The following RAB38 variants were observed in gnomAD, a reference collection of about 807,000 sequenced individuals.
The protein encoded by RAB38 is ras-related protein Rab-38.
Under a neutral mutation model 18.4 loss-of-function variants are expected in RAB38, and 15 were observed. That is an observed-to-expected ratio of 0.82 (90% CI 0.55 to 1.26). The LOEUF (loss-of-function observed/expected upper bound fraction) is 1.26, where lower values mean the gene tolerates loss of function less well. Ranked by LOEUF, RAB38 falls within the 50% of genes most tolerant of loss-of-function variation. The pLI is 0.00. For missense variants in RAB38, 294 were observed against 267.4 expected, an observed-to-expected ratio of 1.10 and a Z score of -0.69; for synonymous variants, 101 against 104.4, an observed-to-expected ratio of 0.97 and a Z score of 0.20.
the RAB38 span, among the ~76,000 whole-genome samples, chr11:87,966,323 T>TATAATA: frequency 5.9e-5 from 9 of 152,170 alleles, no homozygotes; most frequent in African/African-American, 2.2e-4. Context: ...TATATTTACA[T>TATAATA]GTAGAGGAGT....
At chr11:87,947,241 T>G in the RAB38 span, among the ~76,000 whole-genome samples, 1 of 150,006 alleles carries the variant, frequency 6.7e-6, no homozygotes, top group South Asian at 2.2e-4. Flanking sequence ...TGGGGTTGTT[T>G]TTTTTCTTGT....
chr11:88,169,491 A>G (rs944489023), intron 1 of RAB38, among the ~76,000 whole-genome samples: 1 of 152,216 alleles, frequency 6.6e-6, no homozygotes, highest in African/African-American at 2.4e-5. Context: ...GGAGATGTTC[A>G]GCAGGAAGAT....
At chr11:88,131,162 T>C (rs1942763047) in intron 2 of RAB38, among the ~76,000 whole-genome samples, 1 of 152,200 alleles carries the variant, frequency 6.6e-6, no homozygotes, top group South Asian at 2.1e-4. Context: ...ATCCTTATAA[T>C]ATGGTATTGT....
chr11:87,897,978 G>A, the RAB38 span, among the ~76,000 whole-genome samples: 3 of 151,534 alleles, frequency 2.0e-5, no homozygotes, highest in African/African-American at 7.3e-5. Flanking sequence ...GAATCTGTAA[G>A]GATGGGCTCT....
chr11:88,093,675 A>AT, the RAB38 span, among the ~76,000 whole-genome samples: 1 of 151,844 alleles, frequency 6.6e-6, no homozygotes, highest in African/African-American at 2.4e-5. Flanking sequence ...TCTAGATCTG[A>AT]TGTTCACTCT....
the RAB38 span, among the ~76,000 whole-genome samples, chr11:88,055,229 C>T: frequency 6.6e-6 from 1 of 152,164 alleles, no homozygotes; most frequent in African/African-American, 2.4e-5. Context: ...GCACAGGCAA[C>T]ATAGTGAGAT....
chr11:88,089,179 G>T, the RAB38 span, among the ~76,000 whole-genome samples: 1 of 149,964 alleles, frequency 6.7e-6, no homozygotes, highest in Non-Finnish European at 1.5e-5. Context: ...GGCATGTCAG[G>T]GGCTCTCATC....
the RAB38 span, among the ~76,000 whole-genome samples, chr11:88,023,034 A>G: frequency 1.3e-5 from 2 of 152,148 alleles, no homozygotes; most frequent in African/African-American, 4.8e-5. Flanking sequence ...AGGATCAGGA[A>G]AAAGAACTAA....
chr11:88,080,712 G>A, the RAB38 span, among the ~76,000 whole-genome samples: 2 of 151,780 alleles, frequency 1.3e-5, no homozygotes, highest in African/African-American at 2.4e-5. Flanking sequence ...AACACAAGAC[G>A]AAGTCCAAAA....
At chr11:87,876,171 A>C in the RAB38 span, among the ~76,000 whole-genome samples, 1 of 151,564 alleles carries the variant, frequency 6.6e-6, no homozygotes, top group Admixed American at 6.6e-5. Flanking sequence ...CATGCTGCTA[A>C]GATCTCTAGC....
the RAB38 span, among the ~76,000 whole-genome samples, chr11:88,065,544 C>T: frequency 2.0e-5 from 3 of 152,128 alleles, no homozygotes; most frequent in African/African-American, 4.8e-5. Flanking sequence ...TATCTTCTTT[C>T]GGGAAGAGTT....
chr11:87,867,909 C>T, the RAB38 span, among the ~76,000 whole-genome samples: 1 of 151,682 alleles, frequency 6.6e-6, no homozygotes, highest in Non-Finnish European at 1.5e-5. Flanking sequence ...AAACCCAAGT[C>T]ACCTGGCCCT....
At chr11:87,873,922 GTATATATATATATATATA>G in the RAB38 span, among the ~76,000 whole-genome samples, 1 of 103,122 alleles carries the variant, frequency 9.7e-6, no homozygotes, top group Non-Finnish European at 1.9e-5. Context: ...GTGTGTGTGT[GTATATATATATATATATA>G]TATATATATA....
At chr11:87,834,624 T>A in the RAB38 span, among the ~76,000 whole-genome samples, 2 of 152,118 alleles carry the variant, frequency 1.3e-5, no homozygotes, top group Non-Finnish European at 2.9e-5. Flanking sequence ...CGAAATTCAG[T>A]TGAGGGAAGG....
the RAB38 span, among the ~76,000 whole-genome samples, chr11:87,901,277 C>A: frequency 1.3e-5 from 2 of 151,454 alleles, no homozygotes; most frequent in African/African-American, 4.8e-5. Flanking sequence ...CTGTGTTTCC[C>A]TTATCCTTAC....
the RAB38 span, among the ~76,000 whole-genome samples, chr11:87,958,082 A>G: frequency 1.3e-5 from 2 of 152,024 alleles, no homozygotes; most frequent in African/African-American, 4.8e-5. Flanking sequence ...TTGAATTTTG[A>G]TCTCTTCCCA....
At chr11:88,016,629 A>G in the RAB38 span, among the ~76,000 whole-genome samples, 2 of 152,160 alleles carry the variant, frequency 1.3e-5, no homozygotes, top group South Asian at 4.2e-4. Flanking sequence ...ACTAATACTT[A>G]TAGATGACCT....
chr11:88,091,644 C>T, the RAB38 span, among the ~76,000 whole-genome samples: 13 of 151,996 alleles, frequency 8.6e-5, no homozygotes, highest in African/African-American at 1.2e-4. Flanking sequence ...CTCACTACCA[C>T]ATCAGTTATG....
At chr11:88,026,624 C>T in the RAB38 span, among the ~76,000 whole-genome samples, 5 of 151,290 alleles carry the variant, frequency 3.3e-5, no homozygotes, top group Non-Finnish European at 7.4e-5. Flanking sequence ...ATGATCCGCC[C>T]GCCTCAGCCT....
Sources: gnomAD v4.1 joint callset for allele counts (sites outside exome capture counted in the v4.1 genomes callset) on GRCh38, gnomAD v4.1.1 for gene constraint, MANE v1.5 for transcripts, NCBI Gene and HGNC (gene_info 2026-07-23, HGNC 2026-07-21) for gene names.